GALNT10: variants seen among roughly 807,000 people sequenced by gnomAD.
GALNT10 encodes GalNAc transferase 10.
In GALNT10, 41 loss-of-function variants were observed where a neutral mutation model predicts 75.0. The observed-to-expected ratio is 0.55, with a 90% CI of 0.43 to 0.71. The LOEUF is 0.71. Ranked by LOEUF, GALNT10 falls within the 30% of genes least tolerant of loss-of-function variation. GALNT10 has a pLI of 0.00. For missense variants in GALNT10, 727 were observed against 818.5 expected (o/e 0.89, Z 1.36); for synonymous variants, 302 against 313.0 (o/e 0.96, Z 0.37).
At chr5:154,271,380 C>T (rs970425159) in intron 1 of GALNT10, among the ~76,000 whole-genome samples, 1 of 152,086 alleles carries the variant, frequency 6.6e-6, no homozygotes, top group African/African-American at 2.4e-5. Context: ...ACAGGAGAAT[C>T]GCTTGAACCC....
chr5:154,364,162 A>G (rs1489319342), intron 4 of GALNT10, among the ~76,000 whole-genome samples: 2 of 152,216 alleles, frequency 1.3e-5, no homozygotes, highest in Non-Finnish European at 2.9e-5. Flanking sequence ...GAGCTGACAG[A>G]TTTGCAAGAG....
Position 154,326,186 on chromosome 5 carries a change from C to T in GALNT10, c.402-3386C>T, listed in dbSNP as rs146241252. On this transcript the variant is annotated intron_variant, in intron 3 of 11. Coordinates refer to ENST00000297107, the MANE Select transcript of GALNT10 (RefSeq NM_198321.4). ...TACTCAACATCATTAGTCATTAAAC[C>T]ATAAGGAGATACCACTTCACACTCA... Among the ~76,000 whole-genome samples the T allele has an allele frequency of 2.1e-3, 319 of 152,044 alleles. 1 individual carries two copies. Among genetic ancestry groups the T allele is most frequent in the African/African-American group, 7.5e-3 (312 of 41,476 alleles).
chr5:154,334,001 A>AT (rs1393031144), intron 4 of GALNT10, among the ~76,000 whole-genome samples: 1 of 152,246 alleles, frequency 6.6e-6, no homozygotes, highest in Non-Finnish European at 1.5e-5. Context: ...AGGCCTGTCT[A>AT]AAGTACGGCA....
chr5:154,270,480 A>G (rs1425283634), intron 1 of GALNT10, among the ~76,000 whole-genome samples: 1 of 151,982 alleles, frequency 6.6e-6, no homozygotes, highest in African/African-American at 2.4e-5. Context: ...TGATTTCTGC[A>G]TCCCTGGTTG....
chr5:154,203,386 T>C (rs1326665230), intron 1 of GALNT10, among the ~76,000 whole-genome samples: 1 of 152,214 alleles, frequency 6.6e-6, no homozygotes, highest in Admixed American at 6.5e-5. Context: ...TCTTTTATCA[T>C]ATCCAGTCTC....
chr5:154,317,358 G>C lies in GALNT10; in HGVS notation c.402-12214G>C, dbSNP rs561344582. Among the ~76,000 whole-genome samples, 6 of 152,220 alleles carry C rather than the reference G, an allele frequency of 3.9e-5. No homozygotes were observed. The South Asian group carries it at 6.2e-4, about 16-fold the overall frequency. On this transcript the variant is annotated intron_variant, in intron 3 of 11. Transcript: ENST00000297107. ...ATACTTCTCTTGTATTTTGACTTTTGTTTTCTAGTGCTCCAGCATTAAGCC... is the reference window on the plus strand; with the variant it reads ...ATACTTCTCTTGTATTTTGACTTTTCTTTTCTAGTGCTCCAGCATTAAGCC...
intron 6 of GALNT10, 117 bp from the exon 7 acceptor site, chr5:154,386,196 A>G: frequency 1.4e-6 from 1 of 717,452 alleles, no homozygotes; most frequent in East Asian, 2.6e-5. Flanking sequence ...AGACACTTGG[A>G]CTGTGTTCAG....
chr5:154,339,010 AGC>A (rs1754988474), intron 4 of GALNT10, among the ~76,000 whole-genome samples: 1 of 150,890 alleles, frequency 6.6e-6, no homozygotes, highest in African/African-American at 2.5e-5. Context: ...TTTTTACTTC[AGC>A]CTGTCTGGCC....
chr5:154,334,638 C>T (rs527574785), intron 4 of GALNT10, among the ~76,000 whole-genome samples: 24 of 152,308 alleles, frequency 1.6e-4, no homozygotes, highest in Admixed American at 1.4e-3. Flanking sequence ...TAACTAGAGG[C>T]TGCCCGGAAT....
At chr5:154,191,181 G>T (rs2113635607) in intron 1 of GALNT10, among the ~76,000 whole-genome samples, 156 bp downstream of exon 1, 2 of 152,184 alleles carry the variant, frequency 1.3e-5, no homozygotes, top group East Asian at 3.9e-4. Flanking sequence ...ATTAAGTCCT[G>T]TCGGGACTTG....
chr5:154,299,024 G>A (rs1342137707), intron 3 of GALNT10, among the ~76,000 whole-genome samples: 1 of 152,224 alleles, frequency 6.6e-6, no homozygotes, highest in Non-Finnish European at 1.5e-5. Context: ...AGGCAGTACT[G>A]AGTAGCACTG....
chr5:154,338,435 A>G (rs1331309219), intron 4 of GALNT10: 2 of 368,798 alleles, frequency 5.4e-6, no homozygotes, highest in Non-Finnish European at 1.0e-5. Context: ...GCTCTTTAGC[A>G]GACTCTGACT....
intron 8 of GALNT10, among the ~76,000 whole-genome samples, chr5:154,405,887 T>TA (rs397765761): frequency 6.7e-6 from 1 of 149,764 alleles, no homozygotes; most frequent in Non-Finnish European, 1.5e-5. Context: ...TTTTTTTTTT[T>TA]AAAAGGCCCA....
At chr5:154,290,258 A>ATTTTTTTTTT (rs71577131) in intron 1 of GALNT10, among the ~76,000 whole-genome samples, 155 of 98,904 alleles carry the variant, frequency 1.6e-3, no homozygotes, top group African/African-American at 2.3e-3. Context: ...CACTCAGCTA[A>ATTTTTTTTTT]TTTTTTTTTT....
At chr5:154,303,578 A>T (rs942251598) in intron 3 of GALNT10, among the ~76,000 whole-genome samples, 2 of 152,196 alleles carry the variant, frequency 1.3e-5, no homozygotes, top group Non-Finnish European at 2.9e-5. Flanking sequence ...CAGACTGGAA[A>T]ACCTCCTAAT....
chr5:154,262,230 C>G (rs2434534), intron 1 of GALNT10, among the ~76,000 whole-genome samples: 37,190 of 152,052 alleles, frequency 0.24, 5,541 homozygotes, highest in African/African-American at 0.42. Context: ...GGGAGGGGCC[C>G]AGACAGGTTG....
chr5:154,206,788 A>G (rs946750418), intron 1 of GALNT10, among the ~76,000 whole-genome samples: 1 of 152,238 alleles, frequency 6.6e-6, no homozygotes, highest in African/African-American at 2.4e-5. Context: ...CCTGATTGCT[A>G]GGCCAGGGAG....
intron 4 of GALNT10, among the ~76,000 whole-genome samples, chr5:154,360,409 C>T (rs1430976665): frequency 1.3e-5 from 2 of 150,692 alleles, no homozygotes; most frequent in African/African-American, 4.9e-5. Flanking sequence ...CACGATTGCG[C>T]CACTGCATTC....
rs1189358062 is a variant in GALNT10, at chr5:154,313,729, C to T, written c.401+15650C>T. ...AGAAAGCTCATGTCTGTCTCATCCC[C>T]GAGAGGAGGGTAGAGAAGGGCTGGA... On this transcript the variant is annotated intron_variant, in intron 3 of 11. Transcript: ENST00000297107. 3.9e-5 allele frequency among the ~76,000 whole-genome samples: 6 copies of T among 152,214 alleles called. No homozygotes were observed. The East Asian group carries it at 7.7e-4, about 20-fold the overall frequency.
Sources: allele counts gnomAD v4.1 joint callset (sites outside exome capture counted in the v4.1 genomes callset), GRCh38; gene constraint gnomAD v4.1.1; transcripts MANE v1.5; gene names NCBI Gene and HGNC (gene_info 2026-07-23, HGNC 2026-07-21).